Variants in TTC39B observed in about 807,000 individuals in gnomAD.
TTC39B encodes tetratricopeptide repeat domain 39B.
In TTC39B, 92 loss-of-function variants were observed where a neutral mutation model predicts 96.6. The observed-to-expected ratio is 0.95, with a 90% CI of 0.80 to 1.13. TTC39B has a LOEUF of 1.13. Ranked by LOEUF, TTC39B falls within the 50% of genes most tolerant of loss-of-function variation. The pLI is 0.00. For missense variants in TTC39B, 955 were observed against 809.3 expected (o/e 1.18, Z -2.18); for synonymous variants, 367 against 299.4 (o/e 1.23, Z -2.33).
At chr9:15,294,722 T>A (rs1324400469) in intron 1 of TTC39B, among the ~76,000 whole-genome samples, 1 of 152,152 alleles carries the variant, frequency 6.6e-6, no homozygotes, top group Non-Finnish European at 1.5e-5. Flanking sequence ...GACTTATTTA[T>A]CCTACAGGAC....
chr9:15,279,985 C>T (rs760914117), intron 1 of TTC39B, among the ~76,000 whole-genome samples: 1 of 150,958 alleles, frequency 6.6e-6, no homozygotes, highest in Non-Finnish European at 1.5e-5. Flanking sequence ...AACCTCCACC[C>T]CCCGGGTTCA....
At chr9:15,262,421 A>T (rs1346716287) in intron 2 of TTC39B, among the ~76,000 whole-genome samples, 1 of 152,178 alleles carries the variant, frequency 6.6e-6, no homozygotes, top group Admixed American at 6.5e-5. Flanking sequence ...TAAAAAGAAC[A>T]TGGTCAATGT....
At chr9:15,192,285 C>T (rs1445427471) in intron 9 of TTC39B, among the ~76,000 whole-genome samples, 1 of 152,198 alleles carries the variant, frequency 6.6e-6, no homozygotes, top group Non-Finnish European at 1.5e-5. Context: ...CCGTCATTGT[C>T]ATTGCAACAA....
chr9:15,237,904 C>G (rs1281468853), intron 2 of TTC39B, among the ~76,000 whole-genome samples: 1 of 152,162 alleles, frequency 6.6e-6, no homozygotes, highest in Admixed American at 6.5e-5. Flanking sequence ...TACTAGCAAA[C>G]TGAATCCAAC....
intron 8 of TTC39B, among the ~76,000 whole-genome samples, chr9:15,199,438 T>C (rs1023963903): frequency 4.6e-5 from 7 of 151,760 alleles, no homozygotes; most frequent in East Asian, 1.9e-4. Flanking sequence ...CAACACCAAA[T>C]AAAAAATCCT....
At chr9:15,269,589 C>G (rs1454811775) in intron 1 of TTC39B, among the ~76,000 whole-genome samples, 3 of 152,180 alleles carry the variant, frequency 2.0e-5, no homozygotes, top group Non-Finnish European at 4.4e-5. Context: ...CGCAGTGGCT[C>G]ATGCCTGCAA....
Position 15,188,136 on chromosome 9 carries a change from T to A in TTC39B, c.1234-4A>T, listed in dbSNP as rs185198420. The A allele has an allele frequency of 1.6e-3, 2,468 of 1,591,618 alleles. 5 individuals carry two copies. The highest frequency in any genetic ancestry group is 5.4e-3 in the Middle Eastern group (32 of 5,942). ...ATTTTTGAAATACTTCTTGTGCCTG[T>A]AAATCAAGTACACAAAGTTGATCGT... is the stretch of plus-strand genomic sequence containing the variant. On this transcript the variant is annotated splice_region_variant and splice_polypyrimidine_tract_variant and intron_variant, in intron 13 of 19. Coordinates refer to ENST00000512701, the Ensembl canonical transcript of TTC39B.
chr9:15,178,905 T>C (rs575082578), intron 17 of TTC39B, among the ~76,000 whole-genome samples: 1 of 152,306 alleles, frequency 6.6e-6, no homozygotes, highest in African/African-American at 2.4e-5. Flanking sequence ...CTCCAGATCA[T>C]TATGTTTACA....
At chr9:15,269,803 CGA>C (rs1184601464) in intron 1 of TTC39B, among the ~76,000 whole-genome samples, 2 of 150,772 alleles carry the variant, frequency 1.3e-5, no homozygotes, top group African/African-American at 4.9e-5. Context: ...TACAGTGAGC[CGA>C]GATCATGCCA....
intron 5 of TTC39B, 28 bp from the exon 6 acceptor site, chr9:15,210,192 A>G (rs543165733): frequency 4.2e-6 from 6 of 1,435,164 alleles, no homozygotes; most frequent in Middle Eastern, 1.8e-4. Context: ...AAAGGGAGAT[A>G]GAAAATAGAA....
At chr9:15,177,076 C>G (rs1232093147) in intron 18 of TTC39B, among the ~76,000 whole-genome samples, 1 of 152,192 alleles carries the variant, frequency 6.6e-6, no homozygotes. Context: ...TCTGTTTACT[C>G]AGCTCTGAAT....
rs1164750793 is a variant in TTC39B at position 15,279,892 on chromosome 9, C to CTT, written c.241-11946_241-11945dup. On this transcript the variant is annotated intron_variant, in intron 1 of 19. Coordinates refer to ENST00000512701, the Ensembl canonical transcript of TTC39B. ...GTAAATAAAGTACTTTTTTTCTTTTCTTTTTTTTTTTTTTTTTTTTTGAGA... is the reference window on the plus strand; with the variant it reads ...GTAAATAAAGTACTTTTTTTCTTTTCTTTTTTTTTTTTTTTTTTTTTTTGAGA... 1.4e-3 allele frequency among the ~76,000 whole-genome samples: 144 copies of CTT among 101,778 alleles called. 1 individual carries two copies. The highest frequency in any genetic ancestry group is 2.3e-3 in the East Asian group (9 of 3,908). The allele number at this position is 101,778 out of a possible 152,430, so 66.8% of individuals were successfully genotyped here. A position where few individuals can be genotyped will look rare whatever the true frequency, so the allele number is the denominator to read the frequency against.
chr9:15,292,534 AAAAG>A (rs944445474), intron 1 of TTC39B, among the ~76,000 whole-genome samples: 28 of 152,204 alleles, frequency 1.8e-4, no homozygotes, highest in African/African-American at 6.5e-4. Context: ...ACCTATTAAA[AAAAG>A]AAGAGTTAAC....
intron 1 of TTC39B, among the ~76,000 whole-genome samples, chr9:15,268,331 G>A (rs898958356): frequency 6.6e-6 from 1 of 152,084 alleles, no homozygotes; most frequent in Non-Finnish European, 1.5e-5. Context: ...CTAGCCAAGT[G>A]AGCATCCTCT....
At chr9:15,251,123 G>A (rs1586959129) in intron 2 of TTC39B, among the ~76,000 whole-genome samples, 2 of 151,794 alleles carry the variant, frequency 1.3e-5, no homozygotes, top group East Asian at 3.9e-4. Context: ...TTGAACCCGG[G>A]AGGTGGAGGT....
At chr9:15,183,364 T>C (rs1209717901) in intron 16 of TTC39B, 3 of 435,694 alleles carry the variant, frequency 6.9e-6, no homozygotes, top group Non-Finnish European at 1.4e-5. Flanking sequence ...ATGATGATCT[T>C]TTAAAAATTC....
At chr9:15,233,529 T>C (rs558390650) in intron 2 of TTC39B, among the ~76,000 whole-genome samples, 1 of 150,404 alleles carries the variant, frequency 6.6e-6, no homozygotes, top group Admixed American at 6.6e-5. Flanking sequence ...CTGGTTTTCG[T>C]ATTTTTTTGG....
intron 17 of TTC39B, among the ~76,000 whole-genome samples, chr9:15,182,089 G>T (rs1395999977): frequency 6.6e-6 from 1 of 152,174 alleles, no homozygotes; most frequent in African/African-American, 2.4e-5. Flanking sequence ...GGCTGGCCTG[G>T]CCTTTTTCCC....
chr9:15,195,625 G>A (rs999598868), intron 8 of TTC39B, among the ~76,000 whole-genome samples: 20 of 144,020 alleles, frequency 1.4e-4, no homozygotes, highest in Admixed American at 1.0e-3. Context: ...AGCTGAGATC[G>A]TGCCACTGCA....
Sources: allele counts gnomAD v4.1 joint callset (sites outside exome capture counted in the v4.1 genomes callset), GRCh38; gene constraint gnomAD v4.1.1; transcripts MANE v1.5; gene names NCBI Gene and HGNC (gene_info 2026-07-23, HGNC 2026-07-21).